The following CDH18 variants were observed in gnomAD, a reference collection of about 807,000 sequenced individuals.
CDH18 encodes cadherin 18.
A neutral mutation model predicts 67.9 loss-of-function variants in CDH18; 31 were observed. That is an observed-to-expected ratio of 0.46 (90% CI 0.34 to 0.62). The LOEUF (loss-of-function observed/expected upper bound fraction) is 0.62, where lower values mean the gene tolerates loss of function less well. Among genes scored for constraint, CDH18 ranks in the 20% least tolerant of loss-of-function variants. The pLI, the probability that CDH18 is intolerant of heterozygous loss-of-function variation, is 0.01. For missense variants in CDH18, 890 were observed against 975.5 expected (o/e 0.91, Z 1.17); for synonymous variants, 362 against 347.2 (o/e 1.04, Z -0.48).
intron 2 of CDH18, among the ~76,000 whole-genome samples, chr5:20,150,582 C>T (rs1751020571): frequency 6.6e-6 from 1 of 151,996 alleles, no homozygotes; most frequent in African/African-American, 2.4e-5. Flanking sequence ...AGTTTTATTT[C>T]TTAACTTAGG....
chr5:20,434,496 C>A (rs1056095090), intron 1 of CDH18, among the ~76,000 whole-genome samples: 8 of 152,012 alleles, frequency 5.3e-5, no homozygotes, highest in African/African-American at 1.9e-4. Flanking sequence ...TTGTGTGTAT[C>A]TTGGTAACTG....
At chr5:20,313,670 G>A (rs1188417860) in intron 1 of CDH18, among the ~76,000 whole-genome samples, 1 of 151,942 alleles carries the variant, frequency 6.6e-6, no homozygotes, top group East Asian at 1.9e-4. Flanking sequence ...TTATCTGAGT[G>A]CCTCCTTTTA....
chr5:19,760,059 G>A (rs527869244), intron 3 of CDH18, among the ~76,000 whole-genome samples: 4 of 152,066 alleles, frequency 2.6e-5, no homozygotes, highest in Non-Finnish European at 4.4e-5. Flanking sequence ...AGCTCTACGC[G>A]AGTCACACTA....
At chr5:19,972,164 AGTTT>A (rs1315969268) in intron 2 of CDH18, among the ~76,000 whole-genome samples, 3 of 152,050 alleles carry the variant, frequency 2.0e-5, no homozygotes, top group African/African-American at 4.8e-5. Flanking sequence ...AAATTGAATG[AGTTT>A]GTTTATTTTT....
At chr5:19,852,568 A>ACT (rs1783829241) in intron 2 of CDH18, among the ~76,000 whole-genome samples, 1 of 152,020 alleles carries the variant, frequency 6.6e-6, no homozygotes, top group African/African-American at 2.4e-5. Context: ...CTAAAGTTCA[A>ACT]TAGCTTTATT....
chr5:19,523,189 A>T (rs926520476), intron 9 of CDH18, among the ~76,000 whole-genome samples: 2 of 152,158 alleles, frequency 1.3e-5, no homozygotes, highest in African/African-American at 4.8e-5. Context: ...TTACACAAAA[A>T]CATGTTTTAA....
rs111364657 is a variant in CDH18 at position 20,178,592 on chromosome 5, C to CT, written c.-518+76851dup. 1.6e-3 allele frequency among the ~76,000 whole-genome samples: 233 copies of CT among 142,596 alleles called. 3 individuals carry two copies. The highest frequency in any genetic ancestry group is 3.8e-3 in the South Asian group (17 of 4,512). 93.5% of individuals were successfully genotyped at this position (142,596 alleles called of 152,430 possible). Reference sequence around the variant, plus strand: ...ATAGAGTTTCTTTCTTTCTTTCTTTCTTTTTTTTTTTGTTCTAAAGTAATA... The same window carrying CT: ...ATAGAGTTTCTTTCTTTCTTTCTTTCTTTTTTTTTTTTGTTCTAAAGTAATA... On this transcript the variant is annotated intron_variant, in intron 2 of 14. Transcript: ENST00000507958.
chr5:20,000,961 G>T (rs935525316), intron 2 of CDH18, among the ~76,000 whole-genome samples: 29 of 152,254 alleles, frequency 1.9e-4, no homozygotes, highest in Non-Finnish European at 2.6e-4. Context: ...TTAGTAAACA[G>T]AAGTTTATTC....
At chr5:19,842,051 G>A (rs1348460430) in intron 2 of CDH18, among the ~76,000 whole-genome samples, 1 of 152,168 alleles carries the variant, frequency 6.6e-6, no homozygotes, top group East Asian at 1.9e-4. Context: ...CTCTGCATAA[G>A]TTAGAAAAAA....
chr5:20,109,369 C>T (rs533307481), intron 2 of CDH18, among the ~76,000 whole-genome samples: 8 of 152,290 alleles, frequency 5.3e-5, no homozygotes, highest in Non-Finnish European at 1.0e-4. Flanking sequence ...GCATGAAAGA[C>T]AGAAATCTCA....
intron 5 of CDH18, among the ~76,000 whole-genome samples, chr5:19,651,055 CTTTGT>C (rs1243107915): frequency 1.3e-5 from 2 of 151,852 alleles, no homozygotes; most frequent in Non-Finnish European, 2.9e-5. Context: ...ATGTCAACTG[CTTTGT>C]TTTAATATAT....
At chr5:20,487,440 G>T (rs911234444) in intron 1 of CDH18, among the ~76,000 whole-genome samples, 30 of 148,328 alleles carry the variant, frequency 2.0e-4, no homozygotes, top group Non-Finnish European at 2.7e-4. Context: ...AAATATAATC[G>T]GGCTACATCA....
intron 1 of CDH18, among the ~76,000 whole-genome samples, chr5:20,263,600 G>C (rs1436626825): frequency 2.0e-5 from 3 of 152,090 alleles, no homozygotes; most frequent in African/African-American, 7.2e-5. Context: ...AAAAATGATT[G>C]ATGCATGGGT....
At chr5:20,131,603 G>T (rs1460640322) in intron 2 of CDH18, among the ~76,000 whole-genome samples, 1 of 152,072 alleles carries the variant, frequency 6.6e-6, no homozygotes, top group Non-Finnish European at 1.5e-5. Flanking sequence ...GTGTCTGTAT[G>T]AATCCTCTAG....
intron 2 of CDH18, among the ~76,000 whole-genome samples, chr5:19,869,602 C>A (rs2133078): frequency 0.48 from 73,460 of 151,844 alleles, 17,987 homozygotes; most frequent in Middle Eastern, 0.63. Flanking sequence ...AAAAAACTTC[C>A]AATGTCACTT....
chr5:19,913,725 A>G (rs1427866266), intron 2 of CDH18, among the ~76,000 whole-genome samples: 1 of 152,184 alleles, frequency 6.6e-6, no homozygotes, highest in Non-Finnish European at 1.5e-5. Flanking sequence ...GGAGACCTCC[A>G]CAGCCCAGAA....
chr5:19,961,247 C>T (rs541696885), intron 2 of CDH18, among the ~76,000 whole-genome samples: 6 of 151,558 alleles, frequency 4.0e-5, no homozygotes, highest in South Asian at 2.1e-4. Context: ...GGATTACAGG[C>T]GCACACCACA....
intron 2 of CDH18, among the ~76,000 whole-genome samples, chr5:20,120,357 A>C (rs1289950532): frequency 6.6e-6 from 1 of 152,164 alleles, no homozygotes; most frequent in Non-Finnish European, 1.5e-5. Flanking sequence ...TGGCACTTAC[A>C]TGAATCAATT....
intron 1 of CDH18, among the ~76,000 whole-genome samples, chr5:20,284,639 C>T (rs1374132288): frequency 2.0e-5 from 3 of 151,940 alleles, no homozygotes; most frequent in African/African-American, 4.8e-5. Flanking sequence ...ACCTAAAACA[C>T]TTAGTACGAC....
Sources: gnomAD v4.1 joint callset for allele counts (sites outside exome capture counted in the v4.1 genomes callset) on GRCh38, gnomAD v4.1.1 for gene constraint, MANE v1.5 for transcripts, NCBI Gene and HGNC (gene_info 2026-07-23, HGNC 2026-07-21) for gene names.